The following ZBTB20 variants were observed in gnomAD, a reference collection of about 807,000 sequenced individuals.
ZBTB20 encodes the protein zinc finger and BTB domain-containing protein 20.
ZBTB20 carries 9 observed loss-of-function variants against 56.9 expected under a neutral mutation model. That is an observed-to-expected ratio of 0.16 (90% CI 0.10 to 0.28). The LOEUF (loss-of-function observed/expected upper bound fraction) is 0.28, where lower values mean the gene tolerates loss of function less well. Among genes scored for constraint, ZBTB20 ranks in the 10% least tolerant of loss-of-function variants. ZBTB20 has a pLI of 1.00. For missense variants in ZBTB20, 655 were observed against 1,003.0 expected (o/e 0.65, Z 4.69); for synonymous variants, 417 against 420.7 (o/e 0.99, Z 0.11).
chr3:114,507,583 G>T (rs1559885825), intron 6 of ZBTB20, among the ~76,000 whole-genome samples: 1 of 151,994 alleles, frequency 6.6e-6, no homozygotes, highest in Admixed American at 6.6e-5. Flanking sequence ...ATATGCAAGT[G>T]GTAAATAATC....
chr3:114,964,456 A>T (rs2077570095), intron 3 of ZBTB20, among the ~76,000 whole-genome samples: 1 of 152,174 alleles, frequency 6.6e-6, no homozygotes, highest in Non-Finnish European at 1.5e-5. Context: ...ACACTATGCT[A>T]CAATATGGTA....
At chr3:114,764,251 CTTTT>C (rs56175916) in intron 5 of ZBTB20, among the ~76,000 whole-genome samples, 15 of 120,552 alleles carry the variant, frequency 1.2e-4, no homozygotes, top group Admixed American at 2.6e-4. Flanking sequence ...CTCTCTCTCT[CTTTT>C]TTTTTTTTTT....
At chr3:114,623,298 A>T (rs1311594040) in intron 6 of ZBTB20, among the ~76,000 whole-genome samples, 2 of 152,198 alleles carry the variant, frequency 1.3e-5, no homozygotes, top group Non-Finnish European at 2.9e-5. Flanking sequence ...CACATCAGAC[A>T]GGATGCAACC....
chr3:114,373,861 T>C (rs755141899), intron 10 of ZBTB20, among the ~76,000 whole-genome samples: 1 of 152,172 alleles, frequency 6.6e-6, no homozygotes, highest in Non-Finnish European at 1.5e-5. Context: ...TAAGTGACTA[T>C]GGAAGAAACC....
Position 114,511,584 on chromosome 3 carries a change from C to G in ZBTB20, c.-294-11193G>C, listed in dbSNP as rs982818573. 5.9e-5 allele frequency among the ~76,000 whole-genome samples: 9 copies of G among 152,168 alleles called. No individual in the cohort carries two copies. In the South Asian group the frequency reaches 1.2e-3, roughly 21 times the overall value. On this transcript the variant is annotated intron_variant, in intron 6 of 11. Transcript: ENST00000675478. ...TCTTTCCTTTGCAAAGTGATTTATG[C>G]ATACACTATTAAATACACAGGAATT...
At chr3:115,114,499 T>C (rs1331625811) in intron 1 of ZBTB20, among the ~76,000 whole-genome samples, 6 of 152,202 alleles carry the variant, frequency 3.9e-5, no homozygotes, top group Admixed American at 3.3e-4. Flanking sequence ...GTCATTCCTA[T>C]AAACTAAGAG....
chr3:114,621,651 T>C (rs539360566), intron 6 of ZBTB20, among the ~76,000 whole-genome samples: 4 of 152,138 alleles, frequency 2.6e-5, no homozygotes, highest in Admixed American at 6.5e-5. Context: ...TAAATGAATA[T>C]AGCATATAGG....
intron 2 of ZBTB20, among the ~76,000 whole-genome samples, chr3:114,998,537 AT>A: frequency 6.6e-6 from 1 of 151,774 alleles, no homozygotes; most frequent in Non-Finnish European, 1.5e-5. Context: ...AAGAAGAGGC[AT>A]TAGAATATTA....
chr3:114,491,129 T>C (rs1447846834), intron 7 of ZBTB20, among the ~76,000 whole-genome samples: 1 of 152,202 alleles, frequency 6.6e-6, no homozygotes. Context: ...ACTAAGCCCT[T>C]TCACTGCCCT....
chr3:114,404,627 T>A (rs576500481), intron 7 of ZBTB20, among the ~76,000 whole-genome samples: 2 of 152,156 alleles, frequency 1.3e-5, no homozygotes, highest in Non-Finnish European at 2.9e-5. Flanking sequence ...TGTACAGACG[T>A]GGCTATTTTT....
chr3:115,101,138 T>C (rs1387549137), intron 1 of ZBTB20, among the ~76,000 whole-genome samples: 1 of 152,234 alleles, frequency 6.6e-6, no homozygotes. Context: ...GTGCAATGCG[T>C]ATAGTACATA....
intron 3 of ZBTB20, among the ~76,000 whole-genome samples, chr3:114,922,948 G>A (rs1287831107): frequency 6.6e-6 from 1 of 152,136 alleles, no homozygotes; most frequent in Non-Finnish European, 1.5e-5. Context: ...TGTGGGGACA[G>A]ATATCCAAAT....
chr3:115,081,084 A>C (rs1173959705), intron 1 of ZBTB20, among the ~76,000 whole-genome samples: 3 of 152,152 alleles, frequency 2.0e-5, no homozygotes, highest in Non-Finnish European at 2.9e-5. Flanking sequence ...GGCACTGGGA[A>C]AACTGTTTCT....
intron 11 of ZBTB20, among the ~76,000 whole-genome samples, chr3:114,347,839 T>C (rs529137746): frequency 6.6e-6 from 1 of 152,358 alleles, no homozygotes; most frequent in African/African-American, 2.4e-5. Flanking sequence ...GGCTATATTA[T>C]ACACACCATT....
chr3:114,555,785 CA>C (rs2051144086), intron 6 of ZBTB20, among the ~76,000 whole-genome samples: 1 of 152,072 alleles, frequency 6.6e-6, no homozygotes, highest in Non-Finnish European at 1.5e-5. Context: ...GAAAGATCTG[CA>C]CTTACTCACT....
chr3:114,434,391 A>G (rs1292692761), intron 7 of ZBTB20, among the ~76,000 whole-genome samples: 1 of 152,048 alleles, frequency 6.6e-6, no homozygotes, highest in Admixed American at 6.5e-5. Context: ...GGATCCATAT[A>G]AGATCGTATT....
intron 5 of ZBTB20, among the ~76,000 whole-genome samples, chr3:114,744,871 G>A (rs566517794): frequency 1.3e-5 from 2 of 152,146 alleles, no homozygotes; most frequent in Non-Finnish European, 2.9e-5. Context: ...CTAGTGCAAT[G>A]GTGAATGTGT....
At chr3:114,865,562 T>C (rs2075731126) in intron 4 of ZBTB20, among the ~76,000 whole-genome samples, 1 of 152,174 alleles carries the variant, frequency 6.6e-6, no homozygotes, top group Non-Finnish European at 1.5e-5. Flanking sequence ...AACTTCATTT[T>C]GAAGACACTT....
chr3:114,474,668 C>T (rs1302197371), intron 7 of ZBTB20, among the ~76,000 whole-genome samples: 2 of 152,152 alleles, frequency 1.3e-5, no homozygotes, highest in East Asian at 1.9e-4. Flanking sequence ...CCCTCCCAAC[C>T]CTTCTCCTGC....
Sources: allele counts gnomAD v4.1 joint callset (sites outside exome capture counted in the v4.1 genomes callset), GRCh38; gene constraint gnomAD v4.1.1; transcripts MANE v1.5; gene names NCBI Gene and HGNC (gene_info 2026-07-23, HGNC 2026-07-21).